The following MTRR variants were observed in gnomAD, a reference collection of about 807,000 sequenced individuals.
MTRR encodes 5-methyltetrahydrofolate-homocysteine methyltransferase reductase.
Under a neutral mutation model 79.2 loss-of-function variants are expected in MTRR, and 63 were observed. The ratio of observed to expected loss-of-function variants is 0.80; its 90% confidence interval spans 0.65 to 0.98. The LOEUF (loss-of-function observed/expected upper bound fraction) is 0.98. Among genes scored for constraint, MTRR ranks in the 50% least tolerant of loss-of-function variants. MTRR has a pLI of 0.00. For synonymous variants in MTRR, 355 were observed against 313.3 expected (o/e 1.13, Z -1.41); for missense variants, 895 against 839.6 (o/e 1.07, Z -0.82).
At chr5:7,874,940 T>C (rs1265930055) in intron 3 of MTRR, among the ~76,000 whole-genome samples, 50 of 152,208 alleles carry the variant, frequency 3.3e-4, no homozygotes, top group Admixed American at 3.3e-3. Flanking sequence ...TATTGTGGTT[T>C]TGCAACCTGT....
chr5:7,867,396 T>C (rs1339845498), upstream of MTRR: 2 of 1,614,228 alleles, frequency 1.2e-6, no homozygotes, highest in Non-Finnish European at 8.5e-7. Flanking sequence ...CAACCTGAAC[T>C]GTGCAGTGTA....
At chr5:7,862,725 C>T in intron 2 of MTRR, 1 of 1,062,096 alleles carries the variant, frequency 9.4e-7, no homozygotes, top group Non-Finnish European at 1.4e-6. Flanking sequence ...TTCCATTTTG[C>T]ATTTCCAGAG....
chr5:7,898,299 C>T (rs761031675), intron 14 of MTRR, among the ~76,000 whole-genome samples: 3 of 151,990 alleles, frequency 2.0e-5, no homozygotes, highest in Non-Finnish European at 2.9e-5. Flanking sequence ...TAGAGATGCA[C>T]CTCTAAATAG....
rs77755504 is a variant in MTRR at position 7,893,581 on chromosome 5, C to G, written c.1557+668C>G. The G allele has an allele frequency of 6.8e-3, 1,042 of 152,680 alleles. 3 individuals are homozygous for G. Among genetic ancestry groups the G allele is most frequent in the Middle Eastern group, 0.02 (6 of 294 alleles). 9.5% of individuals were successfully genotyped at this position (152,680 alleles called of 1,614,324 possible). On this transcript the variant is annotated intron_variant, in intron 11 of 14. Transcript: ENST00000440940. ...TACGGCACTCAGCAGAATTTCGAGA[C>G]CACGTGTGTAGGCAACAGTTTAAAG...
At chr5:7,877,503 C>CA (rs11324670) in intron 4 of MTRR, among the ~76,000 whole-genome samples, 4,401 of 100,356 alleles carry the variant, frequency 0.044, 290 homozygotes, top group African/African-American at 0.15. Flanking sequence ...ATTGGCTAGG[C>CA]AAAAAAAAAA....
intron 4 of MTRR, among the ~76,000 whole-genome samples, chr5:7,875,692 G>A (rs1204363149): frequency 6.6e-6 from 1 of 152,142 alleles, no homozygotes; most frequent in Non-Finnish European, 1.5e-5. Context: ...AACTTTAATC[G>A]TGCATGTGCT....
chr5:7,886,565 A>G (rs779600166), intron 7 of MTRR, 50 bp from the exon 8 acceptor site: 1 of 1,368,818 alleles, frequency 7.3e-7, no homozygotes, highest in East Asian at 2.3e-5. Flanking sequence ...AAAACATTTT[A>G]TTCTTCATCT....
intron 5 of MTRR, among the ~76,000 whole-genome samples, chr5:7,881,855 T>C (rs1735651148): frequency 6.6e-6 from 1 of 152,206 alleles, no homozygotes; most frequent in African/African-American, 2.4e-5. Context: ...CTGATGGATC[T>C]TGCAAGGTGA....
At chr5:7,891,996 C>T (rs1737683590) in intron 10 of MTRR, among the ~76,000 whole-genome samples, 1 of 151,958 alleles carries the variant, frequency 6.6e-6, no homozygotes, top group Non-Finnish European at 1.5e-5. Context: ...GAGCCAAGAT[C>T]GAGCCACTGC....
intron 1 of MTRR, among the ~76,000 whole-genome samples, chr5:7,856,261 T>A (rs1287113438): frequency 1.3e-5 from 2 of 152,198 alleles, no homozygotes; most frequent in Non-Finnish European, 2.9e-5. Context: ...GCTCAGCTCA[T>A]ATAGACAACA....
intron 3 of MTRR, 100 bp downstream of exon 3, chr5:7,873,626 GTCTT>G (rs1250449549): frequency 7.3e-7 from 1 of 1,378,644 alleles, no homozygotes; most frequent in Non-Finnish European, 1.0e-6. Flanking sequence ...TATAGGTTTT[GTCTT>G]TCTTATGTAA....
chr5:7,876,188 T>G (rs1445900910), intron 4 of MTRR, among the ~76,000 whole-genome samples: 9 of 151,604 alleles, frequency 5.9e-5, no homozygotes, highest in African/African-American at 1.9e-4. Context: ...ACTCACCCTG[T>G]GCCCACTTCT....
intron 11 of MTRR, 136 bp downstream of exon 11, chr5:7,893,049 T>G: frequency 6.7e-6 from 7 of 1,047,808 alleles, no homozygotes; most frequent in East Asian, 2.6e-5. Context: ...TTAAAATCTC[T>G]ATTGCAAGAG....
At chr5:7,855,606 G>A (rs890771939) in intron 1 of MTRR, among the ~76,000 whole-genome samples, 10 of 151,904 alleles carry the variant, frequency 6.6e-5, no homozygotes, top group South Asian at 4.2e-4. Flanking sequence ...TCCTCCTGCC[G>A]TGGCCTCCCA....
chr5:7,897,144 G>A lies in MTRR; in HGVS notation c.1849G>A (p.Glu617Lys), dbSNP rs1381471922. 1 of 1,613,974 alleles carries A rather than the reference G, an allele frequency of 6.2e-7. No individual in the cohort carries two copies. Among genetic ancestry groups the A allele is most frequent in the African/African-American group, 1.3e-5 (1 of 74,886 alleles). ...CTTCTCAAGAGATGCTCCTGTTGGG[G>A]AGGAGGAAGCCCCAGCAAAGTATGT... ...VSFSRDAPVG[E>K]EEAPAKYVQD... The change falls in exon 14 of 15, where the codon GAG becomes AAG. Residue 617 changes from glutamate to lysine, a missense_variant. Glu to Lys is a moderately conservative substitution (Grantham distance 56, BLOSUM62 1). Transcript: ENST00000440940.
rs1475861942 is a variant in MTRR, at chr5:7,885,736, C to T, written c.939C>T (p.Phe313=). Residue 313 remains phenylalanine (F), a synonymous_variant, in exon 7 of 15, where the codon TTC becomes TTT. Transcript: ENST00000440940. ...TTTCCTATCAGCCTGGAGATGCCTT[C>T]AGCGTGATCTGCCCTAACAGTGATT... is the stretch of plus-strand genomic sequence containing the variant. ...TDFSYQPGDA[F]SVICPNSDSE... is the part of the protein sequence containing the mutation. 6.2e-7 allele frequency: 1 copy of T among 1,612,782 alleles called. No homozygotes were observed. Among genetic ancestry groups the T allele is most frequent in the Non-Finnish European group, 8.5e-7 (1 of 1,179,922 alleles).
chr5:7,857,626 G>A (rs994137165), intron 1 of MTRR, among the ~76,000 whole-genome samples: 63 of 152,184 alleles, frequency 4.1e-4, no homozygotes, highest in African/African-American at 1.4e-3. Flanking sequence ...TGAGGTCTCT[G>A]TGTTCCCAGA....
chr5:7,861,450 C>A (rs1360628461), intron 1 of MTRR: 2 of 655,074 alleles, frequency 3.1e-6, no homozygotes, highest in Non-Finnish European at 2.4e-6. Context: ...AATTTCCCAA[C>A]ATGGTATTCT....
At chr5:7,870,954 T>C (rs1747871399) in intron 2 of MTRR, 31 bp downstream of exon 2, 2 of 1,613,878 alleles carry the variant, frequency 1.2e-6, no homozygotes, top group Non-Finnish European at 1.7e-6. Context: ...TTTTACCGTT[T>C]TGTGCTTTGA....
Sources: gnomAD v4.1 joint callset for allele counts (sites outside exome capture counted in the v4.1 genomes callset) on GRCh38, gnomAD v4.1.1 for gene constraint, MANE v1.5 for transcripts, NCBI Gene and HGNC (gene_info 2026-07-23, HGNC 2026-07-21) for gene names.